POLD1: variants seen among roughly 807,000 people sequenced by gnomAD.
POLD1 encodes the protein DNA polymerase delta catalytic subunit.
POLD1 carries 79 observed loss-of-function variants against 129.7 expected under a neutral mutation model. The ratio of observed to expected loss-of-function variants is 0.61; its 90% confidence interval spans 0.51 to 0.73. The LOEUF (loss-of-function observed/expected upper bound fraction) is 0.73, where lower values mean the gene tolerates loss of function less well. POLD1 is among the 30% of genes least tolerant of loss of function. POLD1 has a pLI of 0.00. For synonymous variants in POLD1, 714 were observed against 683.3 expected (o/e 1.04, Z -0.70); for missense variants, 1,338 against 1,595.8 (o/e 0.84, Z 2.75).
At chr19:50,386,026 C>T (rs1601156870) in intron 1 of POLD1, among the ~76,000 whole-genome samples, 2 of 152,160 alleles carry the variant, frequency 1.3e-5, no homozygotes, top group Admixed American at 6.5e-5. Flanking sequence ...GTCCAGAGTG[C>T]GCTGAGCTAT....
chr19:50,387,978 G>A (rs1247652376), intron 1 of POLD1, among the ~76,000 whole-genome samples: 2 of 152,158 alleles, frequency 1.3e-5, no homozygotes, highest in Non-Finnish European at 1.5e-5. Flanking sequence ...GCCATACAGC[G>A]GAAAAGTACT....
At chr19:50,394,920 C>G (rs1298644384) in intron 1 of POLD1, 3 of 151,694 alleles carry the variant, frequency 2.0e-5, no homozygotes, top group Admixed American at 6.6e-5. Flanking sequence ...ACTGCAACCT[C>G]TACCTCCCAG....
At chr19:50,416,900 C>T in intron 24 of POLD1, 145 bp from the exon 25 acceptor site, 1 of 1,067,530 alleles carries the variant, frequency 9.4e-7, no homozygotes, top group Non-Finnish European at 1.3e-6. Context: ...CCCGGGAGTT[C>T]CCCAGGGGAG....
At chr19:50,399,221 C>T in intron 2 of POLD1, 150 bp from the exon 3 acceptor site, 1 of 1,158,342 alleles carries the variant, frequency 8.6e-7, no homozygotes, top group Non-Finnish European at 1.3e-6. Flanking sequence ...TACAGTGATT[C>T]TGGCCCTGAC....
rs764432550 is a variant in POLD1, at chr19:50,414,975, G to A, written c.2549G>A (p.Arg850His). The A allele has an allele frequency of 2.3e-5, 37 of 1,586,746 alleles. No individual in the cohort carries two copies. The highest frequency in any genetic ancestry group is 5.4e-5 in the African/African-American group (4 of 74,176). The change falls in exon 20 of 27, where the codon CGC becomes CAC. Residue 850 changes from arginine (R) to histidine (H), a missense_variant. Transcript: ENST00000440232. ...VANLVTASLRRLLIDRDPEGA... is the reference protein window; with the variant it reads ...VANLVTASLRHLLIDRDPEGA... Reference sequence around the variant, plus strand: ...AACCTGGTCACTGCCTCACTGCGCCGCCTGCTCATCGACCGGTGTGTGGGG... The same window carrying A: ...AACCTGGTCACTGCCTCACTGCGCCACCTGCTCATCGACCGGTGTGTGGGG...
At chr19:50,397,752 T>C (rs1313026067) in intron 1 of POLD1, among the ~76,000 whole-genome samples, 1 of 152,160 alleles carries the variant, frequency 6.6e-6, no homozygotes, top group East Asian at 1.9e-4. Flanking sequence ...TATATATAAG[T>C]AGCAGTCTGT....
At chr19:50,404,800 G>A (rs2038812358) in intron 10 of POLD1, among the ~76,000 whole-genome samples, 1 of 151,108 alleles carries the variant, frequency 6.6e-6, no homozygotes, top group South Asian at 2.1e-4. Context: ...TGTTGCCCAG[G>A]CTGGAGTGCA....
At position 50,396,414 on chromosome 19, in the gene POLD1, T is replaced by C. The variant is rs372257954; in HGVS notation, c.-1-2437T>C. On this transcript the variant is annotated intron_variant, in intron 1 of 26. Transcript: ENST00000440232. ...TAGTCAACTTTTATATTGTATATCTTGTACATTGTATATCTTGTCAAGGAT... is the reference window on the plus strand; with the variant it reads ...TAGTCAACTTTTATATTGTATATCTCGTACATTGTATATCTTGTCAAGGAT... Among the ~76,000 whole-genome samples, 28 of 146,832 alleles carry C rather than the reference T, an allele frequency of 1.9e-4. No individual in the cohort carries two copies. In the South Asian group the frequency reaches 3.1e-3, roughly 16 times the overall value.
At chr19:50,407,228 C>G in intron 13 of POLD1, 54 bp downstream of exon 13, 2 of 1,561,578 alleles carry the variant, frequency 1.3e-6, no homozygotes, top group Non-Finnish European at 1.8e-6. Context: ...TCTGTGGCCC[C>G]CTCCAGGCAA....
In POLD1 at chr19:50,408,704, A is replaced by G. The variant is rs1446562115; in HGVS notation, c.1776-81A>G. 3.2e-6 allele frequency: 5 copies of G among 1,549,322 alleles called. No individual in the cohort carries two copies. The East Asian group carries it at 1.1e-4, about 35-fold the overall frequency. On this transcript the variant is annotated intron_variant, in intron 14 of 26. Coordinates refer to ENST00000440232, the MANE Select transcript of POLD1 (RefSeq NM_002691.4). Reference sequence around the variant, plus strand: ...GCCAATGAATGATTTTTTTTTTTTAAAGGGTGAGGCCACAAGACAGGGCGG... The same window carrying G: ...GCCAATGAATGATTTTTTTTTTTTAGAGGGTGAGGCCACAAGACAGGGCGG...
chr19:50,399,585 C>T (rs1032166598), intron 3 of POLD1, 101 bp downstream of exon 3: 66 of 833,578 alleles, frequency 7.9e-5, no homozygotes, highest in Middle Eastern at 6.4e-4. Flanking sequence ...GGGCAGAGGC[C>T]GGGCCAGGTC....
chr19:50,398,061 G>C (rs1323755779), intron 1 of POLD1, among the ~76,000 whole-genome samples: 2 of 152,200 alleles, frequency 1.3e-5, no homozygotes, highest in African/African-American at 2.4e-5. Context: ...ACATGTGGGA[G>C]GGCAGAGAGA....
intron 18 of POLD1, 68 bp downstream of exon 18, chr19:50,413,589 A>T (rs936959649): frequency 7.8e-6 from 12 of 1,534,436 alleles, no homozygotes; most frequent in Non-Finnish European, 1.1e-5. Flanking sequence ...GCCGGGCCGG[A>T]CCCCCATGTC....
At chr19:50,388,825 CTTTTTTTTT>C (rs34487979) in intron 1 of POLD1, among the ~76,000 whole-genome samples, 19 of 88,898 alleles carry the variant, frequency 2.1e-4, no homozygotes, top group African/African-American at 7.7e-4. Flanking sequence ...GCAGTTAACT[CTTTTTTTTT>C]TTTTTTTTTT....
intron 13 of POLD1, 75 bp downstream of exon 13, chr19:50,407,249 G>A (rs1169926535): frequency 6.4e-7 from 1 of 1,550,840 alleles, no homozygotes; most frequent in Non-Finnish European, 8.8e-7. Flanking sequence ...TGGCATCCTG[G>A]ATGCACTTTT....
rs772192179 is a variant in POLD1, at chr19:50,413,728, C to G, written c.2251-14C>G. The G allele has an allele frequency of 6.3e-7, 1 of 1,588,310 alleles. No individual in the cohort carries two copies. The highest frequency in any genetic ancestry group is 1.7e-5 in the Admixed American group (1 of 57,586). On this transcript the variant is annotated splice_polypyrimidine_tract_variant and intron_variant, in intron 18 of 26. Transcript: ENST00000440232. Reference sequence around the variant, plus strand: ...ACCCTGCTTCTCACATACACACATCCCCACCGCCCGCAGGTGGTGTATGGT... The same window carrying G: ...ACCCTGCTTCTCACATACACACATCGCCACCGCCCGCAGGTGGTGTATGGT...
In POLD1 at chr19:50,413,676, C is replaced by A. The variant is rs1274608; in HGVS notation, c.2251-66C>A. 2,834 of 1,557,800 alleles carry A rather than the reference C, an allele frequency of 1.8e-3. 47 individuals carry two copies. In the African/African-American group the frequency reaches 0.034, roughly 18 times the overall value. On this transcript the variant is annotated intron_variant, in intron 18 of 26. Coordinates refer to ENST00000440232, the MANE Select transcript of POLD1 (RefSeq NM_002691.4). ...CCGTTGGCATTAGCCACCTGCCACC[C>A]CCCGACACCAGTAGTTGACAGAAGG...
intron 1 of POLD1, among the ~76,000 whole-genome samples, chr19:50,387,091 C>G (rs771851239): frequency 6.6e-6 from 1 of 152,016 alleles, no homozygotes; most frequent in Non-Finnish European, 1.5e-5. Flanking sequence ...CTTTGGGAGG[C>G]CGAGGTGGAC....
intron 14 of POLD1, 79 bp downstream of exon 14, chr19:50,407,494 T>G: frequency 1.1e-6 from 1 of 886,584 alleles, no homozygotes; most frequent in South Asian, 2.0e-5. Flanking sequence ...AGCTCAGGAG[T>G]TTGAGACCAG....
Sources: allele counts gnomAD v4.1 joint callset (sites outside exome capture counted in the v4.1 genomes callset), GRCh38; gene constraint gnomAD v4.1.1; transcripts MANE v1.5; gene names NCBI Gene and HGNC (gene_info 2026-07-23, HGNC 2026-07-21).